Variants in SERPIND1 observed in about 807,000 individuals in gnomAD.
The protein encoded by SERPIND1 is heparin cofactor 2.
A neutral mutation model predicts 35.0 loss-of-function variants in SERPIND1; 34 were observed. The ratio of observed to expected loss-of-function variants is 0.97; its 90% CI spans 0.74 to 1.29. The LOEUF (loss-of-function observed/expected upper bound fraction) is 1.29, where lower values mean the gene tolerates loss of function less well. Ranked by LOEUF, SERPIND1 falls within the 50% of genes most tolerant of loss-of-function variation. The probability of loss-of-function intolerance (pLI) is 0.00; values close to 1 mark genes in which losing one functional copy is unlikely to be tolerated. For missense variants in SERPIND1, 633 were observed against 637.7 expected (o/e 0.99, Z 0.08); for synonymous variants, 236 against 241.1 (o/e 0.98, Z 0.19).
At position 20,784,015 on chromosome 22, in the gene SERPIND1, C is replaced by T; in HGVS notation, c.933C>T (p.His311=). The part of the protein sequence containing the change: ...NKFPVEMTHN[H]NFRLNEREVV... ...TCCCAGTGGAAATGACACACAACCA[C>T]AACTTCCGGCTGAATGAGAGAGAGG... The change falls in exon 3 of 5, where the codon CAC becomes CAT. Residue 311 remains histidine, a synonymous_variant. Coordinates refer to ENST00000215727, the MANE Select transcript of SERPIND1 (RefSeq NM_000185.4). 6.2e-7 allele frequency: 1 copy of T among 1,614,198 alleles called. No homozygotes were observed. The highest frequency in any genetic ancestry group is 8.5e-7 in the Non-Finnish European group (1 of 1,180,040).
rs1366861481 is a variant in SERPIND1 at position 20,779,889 on chromosome 22, T to C, written c.577T>C (p.Tyr193His). 6.2e-7 allele frequency: 1 copy of C among 1,614,230 alleles called. No individual in the cohort carries two copies. Among genetic ancestry groups the C allele is most frequent in the Admixed American group, 1.7e-5 (1 of 60,020 alleles). ...FKDFVNASSK[Y>H]EITTIHNLFR... is the part of the protein sequence containing the mutation. ...AGACTTTGTTAATGCCAGCAGCAAG[T>C]ATGAAATCACGACCATTCATAATCT... is the stretch of plus-strand genomic sequence containing the variant. Residue 193 changes from tyrosine (Y) to histidine (H), a missense_variant, in exon 2 of 5, where the codon TAT becomes CAT. Transcript: ENST00000215727.
At chr22:20,786,234 C>G in intron 4 of SERPIND1, 86 bp downstream of exon 4, 1 of 1,437,082 alleles carries the variant, frequency 7.0e-7, no homozygotes, top group Non-Finnish European at 9.8e-7. Context: ...CTACCCACCC[C>G]CCAATCTCAT....
chr22:20,777,207 T>A (rs2876904), intron 1 of SERPIND1, among the ~76,000 whole-genome samples: 7 of 151,814 alleles, frequency 4.6e-5, no homozygotes, highest in African/African-American at 1.4e-4. Context: ...CCAGGCTAAT[T>A]ATTTTTCTTT....
chr22:20,787,130 C>T lies in SERPIND1; in HGVS notation c.*64C>T, dbSNP rs1412885173. The stretch of plus-strand genomic sequence containing the variant: ...CCTCATTTTGTTTCCATTCCAACAA[C>T]GAGAACAGAGATGTTCTGGCATCAT... On this transcript the variant is annotated 3_prime_UTR_variant, in exon 5 of 5. Transcript: ENST00000215727. The T allele has an allele frequency of 5.2e-5, 73 of 1,405,288 alleles. No individual in the cohort carries two copies. The highest frequency in any genetic ancestry group is 6.9e-5 in the South Asian group (6 of 86,634). 87.1% of individuals were successfully genotyped at this position (1,405,288 alleles called of 1,614,324 possible).
chr22:20,779,292 C>T lies in SERPIND1; in HGVS notation c.-16-5C>T. ...CCTTTCACTGTGTTCTGTTTTCCCT[C>T]CCAGCTTTAGCTCCGCCAAAATGAA... On this transcript the variant is annotated splice_region_variant and splice_polypyrimidine_tract_variant and intron_variant, in intron 1 of 4. Coordinates refer to ENST00000215727, the MANE Select transcript of SERPIND1 (RefSeq NM_000185.4). 1 of 1,613,998 alleles carries T rather than the reference C, an allele frequency of 6.2e-7. No individual in the cohort carries two copies. Among genetic ancestry groups the T allele is most frequent in the South Asian group, 1.1e-5 (1 of 91,078 alleles).
At chr22:20,778,414 G>T (rs557071929) in intron 1 of SERPIND1, among the ~76,000 whole-genome samples, 1 of 152,278 alleles carries the variant, frequency 6.6e-6, no homozygotes, top group East Asian at 1.9e-4. Flanking sequence ...TGAGGCAAGA[G>T]AATTGCTTGA....
At chr22:20,786,813 C>T (rs1467924850) in intron 4 of SERPIND1, 62 bp from the exon 5 acceptor site, 1 of 1,484,404 alleles carries the variant, frequency 6.7e-7, no homozygotes, top group Non-Finnish European at 9.4e-7. Flanking sequence ...TGAGATTGTG[C>T]TGGGAACTCT....
chr22:20,786,201 A>T, intron 4 of SERPIND1, 53 bp downstream of exon 4: 1 of 1,603,974 alleles, frequency 6.2e-7, no homozygotes, highest in Non-Finnish European at 8.5e-7. Context: ...GCCTCAGCAC[A>T]GCCCCACCTC....
chr22:20,779,395 TAG>T lies in SERPIND1; in HGVS notation c.87_88del (p.Lys30ArgfsTer17). ...GGGAGCAAAGGCCCGCTGGATCAGC[TAG>T]AGAAAGGAGGGGAAACTGCTCAGTC... On this transcript the variant is annotated frameshift_variant, in exon 2 of 5. Coordinates refer to ENST00000215727, the MANE Select transcript of SERPIND1 (RefSeq NM_000185.4). LOFTEE classifies it high-confidence loss of function. 1 of 1,614,202 alleles carries T rather than the reference TAG, an allele frequency of 6.2e-7. No individual in the cohort carries two copies.
intron 3 of SERPIND1, among the ~76,000 whole-genome samples, chr22:20,785,126 G>C (rs1934117983): frequency 6.7e-6 from 1 of 148,862 alleles, no homozygotes; most frequent in African/African-American, 2.5e-5. Context: ...CTGGAGTGCA[G>C]TGGCATCATC....
chr22:20,786,243 A>C (rs930229535), intron 4 of SERPIND1, 95 bp downstream of exon 4: 508 of 1,337,164 alleles, frequency 3.8e-4, no homozygotes, highest in Non-Finnish European at 4.6e-4. Context: ...CCCCAATCTC[A>C]TGTCCCAGCT....
At position 20,779,483 on chromosome 22, in the gene SERPIND1, C is replaced by A. The variant is rs146517069; in HGVS notation, c.171C>A (p.Ala57=). 6.2e-7 allele frequency: 1 copy of A among 1,614,108 alleles called. No homozygotes were observed. The highest frequency in any genetic ancestry group is 1.7e-5 in the Admixed American group (1 of 60,006). The change falls in exon 2 of 5, where the codon GCC becomes GCA. Residue 57 remains alanine, a synonymous_variant. Coordinates refer to ENST00000215727, the MANE Select transcript of SERPIND1 (RefSeq NM_000185.4). ...ACCTGAGCATGCCTCTTCTCCCTGCCGACTTCCACAAGGAAAACACCGTCA... is the reference window on the plus strand; with the variant it reads ...ACCTGAGCATGCCTCTTCTCCCTGCAGACTTCCACAAGGAAAACACCGTCA... ...NKNLSMPLLP[A]DFHKENTVTN...
chr22:20,784,855 A>G (rs1212849174), intron 3 of SERPIND1, among the ~76,000 whole-genome samples: 1 of 152,202 alleles, frequency 6.6e-6, no homozygotes, highest in African/African-American at 2.4e-5. Flanking sequence ...GGCTAGGCCC[A>G]TATGAAGAAG....
chr22:20,787,316 G>T lies in SERPIND1; in HGVS notation c.*250G>T. On this transcript the variant is annotated 3_prime_UTR_variant, in exon 5 of 5. Coordinates refer to ENST00000215727, the MANE Select transcript of SERPIND1 (RefSeq NM_000185.4). ...TAGTGTGTCTGCTGTTACCTAGAGG[G>T]TCTCACCTCCCCACTCTTCACAGCA... 1.9e-6 allele frequency: 1 copy of T among 523,356 alleles called. No individual in the cohort carries two copies. Among genetic ancestry groups the T allele is most frequent in the East Asian group, 3.5e-5 (1 of 28,612 alleles). 32.4% of individuals were successfully genotyped at this position (523,356 alleles called of 1,614,324 possible).
At chr22:20,780,872 T>C (rs1933747432) in intron 2 of SERPIND1, among the ~76,000 whole-genome samples, 1 of 150,518 alleles carries the variant, frequency 6.6e-6, no homozygotes, top group Non-Finnish European at 1.5e-5. Flanking sequence ...ACCCTAGCAA[T>C]CTGTTAAATT....
Position 20,787,093 on chromosome 22 carries a change from C to T in SERPIND1, c.*27C>T. The T allele has an allele frequency of 6.3e-7, 1 of 1,593,540 alleles. No individual in the cohort carries two copies. The highest frequency in any genetic ancestry group is 8.6e-7 in the Non-Finnish European group (1 of 1,161,816). ...GGTGGAGGTCTAGGTGTCTGAAGTGCCTTGGGGGCACCCTCATTTTGTTTC... is the reference window on the plus strand; with the variant it reads ...GGTGGAGGTCTAGGTGTCTGAAGTGTCTTGGGGGCACCCTCATTTTGTTTC... On this transcript the variant is annotated 3_prime_UTR_variant, in exon 5 of 5. Coordinates refer to ENST00000215727, the MANE Select transcript of SERPIND1 (RefSeq NM_000185.4).
intron 1 of SERPIND1, among the ~76,000 whole-genome samples, chr22:20,777,081 A>G (rs987966118): frequency 6.6e-6 from 1 of 151,448 alleles, no homozygotes; most frequent in East Asian, 1.9e-4. Context: ...ATAAGGACTC[A>G]CTCTATCCCC....
At chr22:20,778,922 C>T (rs1451451255) in intron 1 of SERPIND1, among the ~76,000 whole-genome samples, 1 of 152,180 alleles carries the variant, frequency 6.6e-6, no homozygotes, top group African/African-American at 2.4e-5. Flanking sequence ...GTCCATGAGC[C>T]CCTGGTGGGA....
rs531227812 is a variant in SERPIND1, at chr22:20,775,329, T to G, written c.-17+1184T>G. Among the ~76,000 whole-genome samples, 6 of 152,360 alleles carry G rather than the reference T, an allele frequency of 3.9e-5. No individual in the cohort carries two copies. In the South Asian group the frequency reaches 1.2e-3, roughly 32 times the overall value. On this transcript the variant is annotated intron_variant, in intron 1 of 4. Coordinates refer to ENST00000215727, the MANE Select transcript of SERPIND1 (RefSeq NM_000185.4). Reference sequence around the variant, plus strand: ...CTTCTACAATGTTTGTTATACTAAATAGCAAAACATCAGGAAGATTTACCT... The same window carrying G: ...CTTCTACAATGTTTGTTATACTAAAGAGCAAAACATCAGGAAGATTTACCT...
Sources: allele counts gnomAD v4.1 joint callset (sites outside exome capture counted in the v4.1 genomes callset), GRCh38; gene constraint gnomAD v4.1.1; transcripts MANE v1.5; gene names NCBI Gene and HGNC (gene_info 2026-07-23, HGNC 2026-07-21).